NTNG1: variants seen among roughly 807,000 people sequenced by gnomAD.
NTNG1 encodes netrin-G1.
A neutral mutation model predicts 54.0 loss-of-function variants in NTNG1; 16 were observed. The observed-to-expected ratio is 0.30, with a 90% CI of 0.20 to 0.45. NTNG1 has a LOEUF of 0.45. Among genes scored for constraint, NTNG1 ranks in the 20% least tolerant of loss-of-function variants. NTNG1 has a pLI of 1.00. For missense variants in NTNG1, 530 were observed against 678.7 expected (o/e 0.78, Z 2.43); for synonymous variants, 255 against 263.1 (o/e 0.97, Z 0.30).
intron 3 of NTNG1, among the ~76,000 whole-genome samples, chr1:107,370,588 T>TATG (rs1670861991): frequency 6.6e-6 from 1 of 151,884 alleles, no homozygotes; most frequent in African/African-American, 2.4e-5. Flanking sequence ...AGCTCCCACT[T>TATG]ATGACTGAGA....
At position 107,256,175 on chromosome 1, in the gene NTNG1, T is replaced by G. The variant is rs79287514; in HGVS notation, c.247-68107T>G. Among the ~76,000 whole-genome samples the G allele has an allele frequency of 6.9e-3, 1,051 of 152,312 alleles. 11 individuals are homozygous for G. Among genetic ancestry groups the G allele is most frequent in the African/African-American group, 0.023 (970 of 41,578 alleles). On this transcript the variant is annotated intron_variant, in intron 2 of 7. Coordinates refer to ENST00000370068, the MANE Select transcript of NTNG1 (RefSeq NM_001113226.3). Reference sequence around the variant, plus strand: ...TTTAAGAGGAAAATGACATTATTGATCCATTGTTACTCCCCACCCACAATT... The same window carrying G: ...TTTAAGAGGAAAATGACATTATTGAGCCATTGTTACTCCCCACCCACAATT...
chr1:107,312,232 C>T (rs1378115938), intron 2 of NTNG1, among the ~76,000 whole-genome samples: 1 of 152,048 alleles, frequency 6.6e-6, no homozygotes, highest in East Asian at 1.9e-4. Context: ...CATCTGTAGA[C>T]TTCTTTGATA....
intron 4 of NTNG1, among the ~76,000 whole-genome samples, chr1:107,406,053 T>C (rs1350058764): frequency 6.6e-6 from 1 of 152,130 alleles, no homozygotes; most frequent in Admixed American, 6.6e-5. Context: ...GTAATTAAGC[T>C]GAAGCACTAC....
At chr1:107,476,711 C>T (rs940058651) in intron 7 of NTNG1, among the ~76,000 whole-genome samples, 14 of 152,094 alleles carry the variant, frequency 9.2e-5, no homozygotes, top group African/African-American at 3.4e-4. Context: ...TCCAGTCTGC[C>T]GTTTTTCTGG....
chr1:107,243,502 G>A (rs1661978881), intron 2 of NTNG1, among the ~76,000 whole-genome samples: 1 of 152,218 alleles, frequency 6.6e-6, no homozygotes, highest in Non-Finnish European at 1.5e-5. Flanking sequence ...CCTACACATA[G>A]AATATATTTC....
At chr1:107,368,655 TC>T (rs1033200278) in intron 3 of NTNG1, among the ~76,000 whole-genome samples, 3 of 152,182 alleles carry the variant, frequency 2.0e-5, no homozygotes, top group Non-Finnish European at 4.4e-5. Context: ...CACTTACTCT[TC>T]ATATCAGGAA....
intron 7 of NTNG1, among the ~76,000 whole-genome samples, chr1:107,463,734 T>C (rs1045579533): frequency 6.6e-6 from 1 of 152,086 alleles, no homozygotes; most frequent in Non-Finnish European, 1.5e-5. Context: ...TACTCACCAG[T>C]CTATATAAGG....
At chr1:107,257,444 C>T (rs1362742926) in intron 2 of NTNG1, among the ~76,000 whole-genome samples, 1 of 152,176 alleles carries the variant, frequency 6.6e-6, no homozygotes, top group Non-Finnish European at 1.5e-5. Context: ...TATTTTGCCT[C>T]AACTTCGCAG....
At chr1:107,192,724 G>T (rs1658054161) in intron 2 of NTNG1, among the ~76,000 whole-genome samples, 1 of 151,990 alleles carries the variant, frequency 6.6e-6, no homozygotes, top group Admixed American at 6.6e-5. Flanking sequence ...TAACTAAAAT[G>T]GTCTTTGCTA....
chr1:107,418,308 TTG>T (rs1570919418), intron 5 of NTNG1, among the ~76,000 whole-genome samples: 1 of 152,054 alleles, frequency 6.6e-6, no homozygotes, highest in Non-Finnish European at 1.5e-5. Flanking sequence ...ATTTGTATTT[TTG>T]TGTGTGTGTA....
At chr1:107,252,171 G>C (rs943606951) in intron 2 of NTNG1, among the ~76,000 whole-genome samples, 1 of 152,150 alleles carries the variant, frequency 6.6e-6, no homozygotes, top group African/African-American at 2.4e-5. Flanking sequence ...TATACATTTT[G>C]TCTATTATTA....
chr1:107,145,815 A>G (rs936658034), intron 1 of NTNG1, among the ~76,000 whole-genome samples: 1 of 152,110 alleles, frequency 6.6e-6, no homozygotes, highest in Non-Finnish European at 1.5e-5. Context: ...AATTCGATCA[A>G]TGGTGTAGTC....
At chr1:107,249,183 T>TAATAATAAC (rs398069543) in intron 2 of NTNG1, among the ~76,000 whole-genome samples, 2 of 149,274 alleles carry the variant, frequency 1.3e-5, no homozygotes, top group Non-Finnish European at 3.0e-5. Flanking sequence ...ATAATAATAA[T>TAATAATAAC]TTAAAAGTTA....
At chr1:107,420,988 A>G in intron 5 of NTNG1, 1 of 798,250 alleles carries the variant, frequency 1.3e-6, no homozygotes, top group Non-Finnish European at 2.1e-6. Context: ...CTCTTAATTT[A>G]GGGCTACTTT....
intron 2 of NTNG1, among the ~76,000 whole-genome samples, chr1:107,298,319 T>C (rs1666104469): frequency 7.2e-6 from 1 of 139,688 alleles, no homozygotes; most frequent in Non-Finnish European, 1.6e-5. Flanking sequence ...AAAGTCACTT[T>C]ACTTCGACAG....
chr1:107,390,154 C>T (rs953745715), intron 3 of NTNG1, among the ~76,000 whole-genome samples: 3 of 152,118 alleles, frequency 2.0e-5, no homozygotes, highest in Non-Finnish European at 2.9e-5. Flanking sequence ...AAGGAAGTGC[C>T]CTGGTGCCTC....
At chr1:107,344,514 A>G (rs1669102562) in intron 3 of NTNG1, among the ~76,000 whole-genome samples, 1 of 152,178 alleles carries the variant, frequency 6.6e-6, no homozygotes. Flanking sequence ...TCCCCAGTAT[A>G]CTTGCTGATA....
chr1:107,203,286 A>G (rs1393528486), intron 2 of NTNG1, among the ~76,000 whole-genome samples: 1 of 151,462 alleles, frequency 6.6e-6, no homozygotes, highest in Non-Finnish European at 1.5e-5. Context: ...GTCTGTGAGT[A>G]GTAATTTCTC....
In NTNG1 at chr1:107,388,378, T is replaced by C. The variant is rs149047826; in HGVS notation, c.888-6776T>C. ...AAAGGCAGCTGAATTTTAGCTGTACTCAGCAAGAGTGAATGCCCTCTGCAG... is the reference window on the plus strand; with the variant it reads ...AAAGGCAGCTGAATTTTAGCTGTACCCAGCAAGAGTGAATGCCCTCTGCAG... On this transcript the variant is annotated intron_variant, in intron 3 of 7. Transcript: ENST00000370068. Among the ~76,000 whole-genome samples the C allele has an allele frequency of 4.9e-3, 739 of 152,312 alleles. 6 individuals are homozygous for C. The highest frequency in any genetic ancestry group is 0.017 in the African/African-American group (703 of 41,560).
Sources: gnomAD v4.1 joint callset for allele counts (sites outside exome capture counted in the v4.1 genomes callset) on GRCh38, gnomAD v4.1.1 for gene constraint, MANE v1.5 for transcripts, NCBI Gene and HGNC (gene_info 2026-07-23, HGNC 2026-07-21) for gene names.